The following CATSPERB variants were observed in gnomAD, a reference collection of about 807,000 sequenced individuals.
CATSPERB encodes cation channel sperm-associated auxiliary subunit beta.
A neutral mutation model predicts 128.3 loss-of-function variants in CATSPERB; 93 were observed. That is an observed-to-expected ratio of 0.72 (90% CI 0.61 to 0.86). The LOEUF is 0.86. CATSPERB is among the 40% of genes least tolerant of loss of function. The probability of loss-of-function intolerance (pLI) is 0.00; values close to 1 mark genes in which losing one functional copy is unlikely to be tolerated. For synonymous variants in CATSPERB, 381 were observed against 448.8 expected (o/e 0.85, Z 1.91); for missense variants, 1,153 against 1,329.5 (o/e 0.87, Z 2.06).
chr14:91,716,594 T>TAAAA (rs1895944069), intron 5 of CATSPERB, among the ~76,000 whole-genome samples: 1 of 151,608 alleles, frequency 6.6e-6, no homozygotes, highest in Non-Finnish European at 1.5e-5. Flanking sequence ...TCCAAACAAA[T>TAAAA]AAACAAACAA....
chr14:91,716,734 CACACACACACACACAG>C (rs1487946105), intron 5 of CATSPERB, among the ~76,000 whole-genome samples: 2 of 151,710 alleles, frequency 1.3e-5, no homozygotes, highest in Non-Finnish European at 2.9e-5. Flanking sequence ...CACACACACA[CACACACACACACACAG>C]ACACACACAC....
chr14:91,707,575 C>CTTTTTTTTTTTTTTTTTTTTTTTTTTTT (rs539712771), intron 6 of CATSPERB, among the ~76,000 whole-genome samples: 1 of 58,254 alleles, frequency 1.7e-5, no homozygotes, highest in Non-Finnish European at 3.1e-5. Flanking sequence ...TATGTACTTC[C>CTTTTTTTTTTTTTTTTTTTTTTTTTTTT]TTTTTTTTTT....
chr14:91,584,487 T>C (rs555563745), intron 26 of CATSPERB, among the ~76,000 whole-genome samples: 1 of 152,352 alleles, frequency 6.6e-6, no homozygotes, highest in Admixed American at 6.5e-5. Context: ...CTATCTTTTA[T>C]CCATTTTTGT....
At chr14:91,594,499 A>C (rs1474417662) in intron 22 of CATSPERB, among the ~76,000 whole-genome samples, 1 of 152,080 alleles carries the variant, frequency 6.6e-6, no homozygotes, top group Non-Finnish European at 1.5e-5. Context: ...AAAAAAAAAA[A>C]AAGAAGTGCC....
chr14:91,686,190 T>G (rs1895372560), intron 10 of CATSPERB, among the ~76,000 whole-genome samples: 1 of 152,220 alleles, frequency 6.6e-6, no homozygotes, highest in South Asian at 2.1e-4. Context: ...CAACGAGCAC[T>G]TATTACTATC....
At chr14:91,722,525 G>GTTATA (rs1896052677) in intron 4 of CATSPERB, among the ~76,000 whole-genome samples, 1 of 152,104 alleles carries the variant, frequency 6.6e-6, no homozygotes, top group Non-Finnish European at 1.5e-5. Flanking sequence ...ACTGCTAATA[G>GTTATA]TTATAGATTG....
At chr14:91,594,896 A>C (rs1166144335) in intron 22 of CATSPERB, among the ~76,000 whole-genome samples, 1 of 152,222 alleles carries the variant, frequency 6.6e-6, no homozygotes, top group Non-Finnish European at 1.5e-5. Context: ...GTCTGGCTTC[A>C]GTTTGCAGGG....
intron 6 of CATSPERB, among the ~76,000 whole-genome samples, chr14:91,707,753 C>T (rs1895759047): frequency 1.3e-5 from 2 of 150,816 alleles, no homozygotes; most frequent in African/African-American, 2.4e-5. Flanking sequence ...TGTGCATCAC[C>T]ATGCCTGGTT....
At chr14:91,637,689 G>A (rs114667467) in intron 16 of CATSPERB, among the ~76,000 whole-genome samples, 2,027 of 152,238 alleles carry the variant, frequency 0.013, 43 homozygotes, top group African/African-American at 0.044. Context: ...AAGAGCCAGC[G>A]ATTATTTTTA....
At position 91,729,390 on chromosome 14, in the gene CATSPERB, C is replaced by T; in HGVS notation, c.79+11G>A. Reference sequence around the variant, plus strand: ...AGAAGGAAATAGAGAGTAAGATGGTCTGAAACTTACCTTTATTATATACTA... The same window carrying T: ...AGAAGGAAATAGAGAGTAAGATGGTTTGAAACTTACCTTTATTATATACTA... On this transcript the variant is annotated intron_variant, in intron 2 of 26. Transcript: ENST00000256343. 1 of 1,262,782 alleles carries T rather than the reference C, an allele frequency of 7.9e-7. No individual in the cohort carries two copies. Among genetic ancestry groups the T allele is most frequent in the Non-Finnish European group, 1.1e-6 (1 of 895,790 alleles). The allele number at this position is 1,262,782 out of a possible 1,614,324, so 78.2% of individuals were successfully genotyped here.
intron 22 of CATSPERB, among the ~76,000 whole-genome samples, chr14:91,607,587 G>A (rs959109606): frequency 1.3e-5 from 2 of 152,166 alleles, no homozygotes; most frequent in Admixed American, 1.3e-4. Flanking sequence ...AGTCCAAGGA[G>A]GACTTTATAA....
At chr14:91,610,742 C>A in intron 20 of CATSPERB, 65 bp from the exon 21 acceptor site, 1 of 1,454,472 alleles carries the variant, frequency 6.9e-7, no homozygotes, top group Non-Finnish European at 9.4e-7. Flanking sequence ...TGTGTCCAAC[C>A]AAAAATCACA....
chr14:91,649,895 T>C (rs1894675734), intron 15 of CATSPERB, among the ~76,000 whole-genome samples: 1 of 152,156 alleles, frequency 6.6e-6, no homozygotes, highest in African/African-American at 2.4e-5. Flanking sequence ...CAATAATATT[T>C]ATAATTATTT....
At chr14:91,657,756 C>T (rs1006132680) in intron 15 of CATSPERB, among the ~76,000 whole-genome samples, 3 of 152,028 alleles carry the variant, frequency 2.0e-5, no homozygotes, top group Non-Finnish European at 2.9e-5. Flanking sequence ...GGCAGACAGG[C>T]GTATGAAAAG....
At chr14:91,667,603 TTACTC>T (rs1218883889) in intron 14 of CATSPERB, among the ~76,000 whole-genome samples, 2 of 152,178 alleles carry the variant, frequency 1.3e-5, no homozygotes, top group African/African-American at 2.4e-5. Context: ...AAATCTATCT[TTACTC>T]TACAATCCTA....
chr14:91,644,489 T>G (rs1463748995), intron 15 of CATSPERB, among the ~76,000 whole-genome samples: 2 of 142,596 alleles, frequency 1.4e-5, no homozygotes, highest in Non-Finnish European at 3.1e-5. Flanking sequence ...TGGCTGGATA[T>G]GAAATTCTGG....
intron 18 of CATSPERB, among the ~76,000 whole-genome samples, chr14:91,624,103 T>G (rs1894105403): frequency 6.6e-6 from 1 of 152,150 alleles, no homozygotes; most frequent in South Asian, 2.1e-4. Context: ...ATCCCAGCAC[T>G]TTGGGAAGCT....
At chr14:91,594,788 A>G (rs1280548545) in intron 22 of CATSPERB, among the ~76,000 whole-genome samples, 3 of 152,210 alleles carry the variant, frequency 2.0e-5, no homozygotes, top group Non-Finnish European at 4.4e-5. Context: ...AAATCAATAT[A>G]GGCCACATTA....
intron 18 of CATSPERB, 44 bp downstream of exon 18, chr14:91,624,776 A>AT (rs754393009): frequency 8.7e-6 from 12 of 1,385,684 alleles, no homozygotes; most frequent in Non-Finnish European, 1.2e-5. Context: ...ATAATTTTTC[A>AT]TTTTTTTCTA....
Sources: gnomAD v4.1 joint callset for allele counts (sites outside exome capture counted in the v4.1 genomes callset) on GRCh38, gnomAD v4.1.1 for gene constraint, MANE v1.5 for transcripts, NCBI Gene and HGNC (gene_info 2026-07-23, HGNC 2026-07-21) for gene names.